The following SUGCT variants were observed in gnomAD, a reference collection of about 807,000 sequenced individuals.
SUGCT encodes the protein succinyl-CoA:glutarate-CoA transferase.
In SUGCT, 41 loss-of-function variants were observed where a neutral mutation model predicts 55.0. The ratio of observed to expected loss-of-function variants is 0.74; its 90% confidence interval spans 0.58 to 0.97. The LOEUF is 0.97. Among genes scored for constraint, SUGCT ranks in the 50% least tolerant of loss-of-function variants. The pLI is 0.00. For missense variants in SUGCT, 568 were observed against 547.8 expected, an observed-to-expected ratio of 1.04 and a Z score of -0.37; for synonymous variants, 187 against 200.4, an observed-to-expected ratio of 0.93 and a Z score of 0.56.
intron 7 of SUGCT, among the ~76,000 whole-genome samples, chr7:40,247,285 T>C (rs969197031): frequency 6.6e-6 from 1 of 152,122 alleles, no homozygotes; most frequent in Non-Finnish European, 1.5e-5. Context: ...AGACAGAGTC[T>C]TGCTCTGTTG....
intron 12 of SUGCT, among the ~76,000 whole-genome samples, chr7:40,662,579 A>G (rs1448459519): frequency 6.6e-6 from 1 of 152,158 alleles, no homozygotes; most frequent in Non-Finnish European, 1.5e-5. Context: ...CCTATCACAG[A>G]AACATTGCAC....
intron 1 of SUGCT, among the ~76,000 whole-genome samples, chr7:40,165,342 C>T (rs1041756041): frequency 6.6e-6 from 1 of 152,060 alleles, no homozygotes; most frequent in African/African-American, 2.4e-5. Flanking sequence ...TGTCAATTAT[C>T]CCTGCTCTGG....
At chr7:40,201,766 C>T (rs1786616127) in intron 6 of SUGCT, among the ~76,000 whole-genome samples, 1 of 152,066 alleles carries the variant, frequency 6.6e-6, no homozygotes, top group South Asian at 2.1e-4. Flanking sequence ...TTATTTTATT[C>T]CCCAACAGTA....
At chr7:40,581,132 T>C (rs541925208) in intron 12 of SUGCT, among the ~76,000 whole-genome samples, 1 of 152,338 alleles carries the variant, frequency 6.6e-6, no homozygotes, top group African/African-American at 2.4e-5. Context: ...TCGATACATA[T>C]TTATTGAGTG....
At chr7:40,772,554 CTATCTA>C (rs1789200524) in intron 13 of SUGCT, among the ~76,000 whole-genome samples, 5 of 138,076 alleles carry the variant, frequency 3.6e-5, no homozygotes, top group Admixed American at 7.3e-5. Flanking sequence ...ATCTATCTAT[CTATCTA>C]TCTGGTGTTA....
At chr7:40,525,237 G>A (rs1793736463) in intron 12 of SUGCT, among the ~76,000 whole-genome samples, 1 of 152,138 alleles carries the variant, frequency 6.6e-6, no homozygotes, top group South Asian at 2.1e-4. Context: ...ATTTGGAGAG[G>A]GATGAAGAAG....
chr7:41,031,978 T>C, the SUGCT span, among the ~76,000 whole-genome samples: 1 of 151,836 alleles, frequency 6.6e-6, no homozygotes, highest in African/African-American at 2.4e-5. Context: ...CTGTGCCCAG[T>C]ATCTAGTAGG....
At chr7:40,702,997 T>C (rs569844403) in intron 12 of SUGCT, among the ~76,000 whole-genome samples, 38 of 152,236 alleles carry the variant, frequency 2.5e-4, no homozygotes, top group Non-Finnish European at 4.3e-4. Context: ...ATCTAAATGC[T>C]ATCTACATGG....
intron 9 of SUGCT, among the ~76,000 whole-genome samples, chr7:40,395,263 C>G (rs1201537085): frequency 6.6e-6 from 1 of 151,738 alleles, no homozygotes; most frequent in East Asian, 1.9e-4. Flanking sequence ...CTGAGGCAGG[C>G]GGATTGCCTG....
At chr7:40,228,564 G>A (rs944814164) in intron 6 of SUGCT, among the ~76,000 whole-genome samples, 4 of 152,022 alleles carry the variant, frequency 2.6e-5, no homozygotes, top group Admixed American at 1.3e-4. Context: ...GTGGTGTGCA[G>A]TTCCACTAAG....
At chr7:40,601,675 G>A (rs192153620) in intron 12 of SUGCT, among the ~76,000 whole-genome samples, 491 of 151,912 alleles carry the variant, frequency 3.2e-3, no homozygotes, top group Non-Finnish European at 5.7e-3. Flanking sequence ...CAGACAGTTC[G>A]CAGCCTAGAT....
chr7:40,609,489 C>T (rs376190135), intron 12 of SUGCT, among the ~76,000 whole-genome samples: 217 of 150,836 alleles, frequency 1.4e-3, no homozygotes, highest in African/African-American at 4.7e-3. Flanking sequence ...ATGGCATGAA[C>T]CTGGGAGGTG....
At chr7:40,391,771 A>G (rs147040642) in intron 9 of SUGCT, among the ~76,000 whole-genome samples, 19,826 of 152,180 alleles carry the variant, frequency 0.13, 1,661 homozygotes, top group East Asian at 0.48. Flanking sequence ...TGACCCAGCC[A>G]TCCCATTACT....
the SUGCT span, among the ~76,000 whole-genome samples, chr7:40,867,519 T>C: frequency 1.4e-4 from 22 of 152,166 alleles, no homozygotes; most frequent in Non-Finnish European, 1.5e-5. Context: ...TAGAATTATA[T>C]GTATAACTCC....
At chr7:40,217,034 T>C (rs905532130) in intron 6 of SUGCT, among the ~76,000 whole-genome samples, 7 of 152,024 alleles carry the variant, frequency 4.6e-5, no homozygotes, top group Admixed American at 2.0e-4. Flanking sequence ...TTATATTGAA[T>C]GGCAAATTGT....
chr7:40,658,209 C>T (rs1262552903), intron 12 of SUGCT, among the ~76,000 whole-genome samples: 1 of 152,148 alleles, frequency 6.6e-6, no homozygotes, highest in African/African-American at 2.4e-5. Flanking sequence ...TGAATATTTA[C>T]AAGTCAGCAT....
chr7:40,768,051 C>G (rs1788893212), intron 13 of SUGCT, among the ~76,000 whole-genome samples: 1 of 152,192 alleles, frequency 6.6e-6, no homozygotes, highest in Non-Finnish European at 1.5e-5. Context: ...GTCATCTGAG[C>G]TTGGACCAAG....
chr7:40,421,848 A>C (rs752805104), intron 9 of SUGCT, among the ~76,000 whole-genome samples: 9 of 152,134 alleles, frequency 5.9e-5, no homozygotes, highest in Non-Finnish European at 1.3e-4. Flanking sequence ...ACTGTGCACT[A>C]ACTTTGAGCT....
In SUGCT at chr7:40,505,956, A is replaced by G. The variant is rs145090981; in HGVS notation, c.1089+9570A>G. Among the ~76,000 whole-genome samples, 3 of 152,186 alleles carry G rather than the reference A, an allele frequency of 2.0e-5. No homozygotes were observed. The East Asian group carries it at 5.8e-4, about 29-fold the overall frequency. Reference sequence around the variant, plus strand: ...TTATTGTCAAATATGTTACATTTATATATGTTAAAGGCCTAACAATACATT... The same window carrying G: ...TTATTGTCAAATATGTTACATTTATGTATGTTAAAGGCCTAACAATACATT... On this transcript the variant is annotated intron_variant, in intron 12 of 13. Transcript: ENST00000335693.
Sources: allele counts gnomAD v4.1 joint callset (sites outside exome capture counted in the v4.1 genomes callset), GRCh38; gene constraint gnomAD v4.1.1; transcripts MANE v1.5; gene names NCBI Gene and HGNC (gene_info 2026-07-23, HGNC 2026-07-21).